Variants in RAD51B observed in about 807,000 individuals in gnomAD.
RAD51B encodes the protein DNA repair protein RAD51 homolog 2.
Under a neutral mutation model 42.2 loss-of-function variants are expected in RAD51B, and 38 were observed. The ratio of observed to expected loss-of-function variants is 0.90; its 90% CI spans 0.70 to 1.18. The LOEUF is 1.18. Among genes scored for constraint, RAD51B ranks in the 50% most tolerant of loss-of-function variants. The pLI is 0.00. For missense variants in RAD51B, 373 were observed against 400.7 expected (o/e 0.93, Z 0.59); for synonymous variants, 154 against 145.2 (o/e 1.06, Z -0.43).
intron 7 of RAD51B, among the ~76,000 whole-genome samples, chr14:68,143,302 T>C (rs2078173911): frequency 6.6e-6 from 1 of 152,222 alleles, no homozygotes. Flanking sequence ...TCAGGATTTC[T>C]TGTTCTTGAA....
At chr14:68,428,328 AT>A (rs1446190210) in intron 9 of RAD51B, among the ~76,000 whole-genome samples, 2 of 151,902 alleles carry the variant, frequency 1.3e-5, no homozygotes, top group Admixed American at 6.6e-5. Context: ...AACTCTTCCA[AT>A]TTTTTTGCAT....
intron 9 of RAD51B, among the ~76,000 whole-genome samples, chr14:68,453,104 G>A (rs1252991133): frequency 6.6e-6 from 1 of 152,082 alleles, no homozygotes; most frequent in Non-Finnish European, 1.5e-5. Flanking sequence ...CTGATATTAA[G>A]ATAATGTTAC....
intron 8 of RAD51B, among the ~76,000 whole-genome samples, chr14:68,308,742 AT>A (rs1256399700): frequency 6.8e-6 from 1 of 146,778 alleles, no homozygotes; most frequent in African/African-American, 2.5e-5. Flanking sequence ...TGGGAATGAG[AT>A]TTGCTACACC....
chr14:68,659,371 A>G (rs1042559416), intron 11 of RAD51B, among the ~76,000 whole-genome samples: 75 of 152,370 alleles, frequency 4.9e-4, no homozygotes, highest in African/African-American at 1.7e-3. Context: ...TAAGCCAAGC[A>G]AAGAAAAATA....
At chr14:68,577,695 A>G (rs554880846) in intron 10 of RAD51B, among the ~76,000 whole-genome samples, 9 of 152,214 alleles carry the variant, frequency 5.9e-5, no homozygotes, top group African/African-American at 1.9e-4. Context: ...ATTTTTCTAT[A>G]TAGCACTTAT....
chr14:67,953,623 G>A (rs920520763), intron 7 of RAD51B, among the ~76,000 whole-genome samples: 1 of 152,112 alleles, frequency 6.6e-6, no homozygotes, highest in Non-Finnish European at 1.5e-5. Flanking sequence ...CAGAGGCCCA[G>A]GTGAGAGAGA....
At chr14:68,329,318 A>G (rs558316648) in intron 8 of RAD51B, among the ~76,000 whole-genome samples, 2 of 152,192 alleles carry the variant, frequency 1.3e-5, no homozygotes, top group South Asian at 4.2e-4. Flanking sequence ...TTATTATGTC[A>G]ATTTGAATGT....
chr14:68,361,495 G>A (rs2083023159), intron 8 of RAD51B, among the ~76,000 whole-genome samples: 1 of 152,164 alleles, frequency 6.6e-6, no homozygotes, highest in Admixed American at 6.5e-5. Flanking sequence ...TTGCTCCCTA[G>A]AGCTTTAGTT....
At chr14:68,279,297 G>A (rs895263991) in intron 7 of RAD51B, among the ~76,000 whole-genome samples, 2 of 152,206 alleles carry the variant, frequency 1.3e-5, no homozygotes, top group African/African-American at 4.8e-5. Flanking sequence ...ATCTGTTCTC[G>A]GCAGTGATGC....
rs138546641 is a variant in RAD51B, at chr14:68,497,386, A to T, written c.1036+29136A>T. 1.1e-4 allele frequency: 135 copies of T among 1,186,832 alleles called. 1 individual carries two copies. Among genetic ancestry groups the T allele is most frequent in the Non-Finnish European group, 1.4e-4 (132 of 951,482 alleles). 73.5% of individuals were successfully genotyped at this position (1,186,832 alleles called of 1,614,324 possible). A position where few individuals can be genotyped will look rare whatever the true frequency, so the allele number is the denominator to read the frequency against. On this transcript the variant is annotated intron_variant, in intron 10 of 10. Transcript: ENST00000487270. ...CTGATTTGATACCATGGCACTGACA[A>T]TGGGCACTGATTTGATACCATGGCA...
intron 7 of RAD51B, among the ~76,000 whole-genome samples, chr14:68,202,578 T>G (rs2079510153): frequency 7.0e-6 from 1 of 142,676 alleles, no homozygotes. Context: ...AACGTCTTTT[T>G]TTTTTTTTTT....
chr14:68,611,006 T>C (rs1465491645), exon 11 of RAD51B: 4 of 702,718 alleles, frequency 5.7e-6, no homozygotes, highest in Admixed American at 2.0e-5. Context: ...CATTTCACAG[T>C]TGTTAGAACT....
chr14:67,824,447 G>C (rs113300322), intron 2 of RAD51B, among the ~76,000 whole-genome samples: 6,983 of 152,022 alleles, frequency 0.046, 215 homozygotes, highest in Non-Finnish European at 0.074. Context: ...TAGTAGAAAC[G>C]GGGTTTCACC....
intron 7 of RAD51B, among the ~76,000 whole-genome samples, chr14:68,112,477 T>A (rs2077474795): frequency 1.3e-5 from 2 of 152,152 alleles, no homozygotes; most frequent in Non-Finnish European, 2.9e-5. Flanking sequence ...TGCGTAGAGA[T>A]ACATGATGAC....
chr14:68,663,144 T>C (rs1038723602), intron 11 of RAD51B, among the ~76,000 whole-genome samples: 44 of 152,048 alleles, frequency 2.9e-4, no homozygotes, highest in African/African-American at 1.0e-3. Context: ...CTACTAAAAA[T>C]ACAAAAAATT....
intron 7 of RAD51B, among the ~76,000 whole-genome samples, chr14:68,193,184 C>A (rs998482562): frequency 2.6e-5 from 4 of 152,094 alleles, no homozygotes; most frequent in African/African-American, 7.2e-5. Context: ...TGTTGTTACC[C>A]CAGACTAGAA....
chr14:68,511,316 C>T (rs1440725715), intron 10 of RAD51B, among the ~76,000 whole-genome samples: 1 of 152,172 alleles, frequency 6.6e-6, no homozygotes, highest in African/African-American at 2.4e-5. Flanking sequence ...TCACTTGGCA[C>T]CCACAGCCCT....
intron 8 of RAD51B, among the ~76,000 whole-genome samples, chr14:68,362,526 C>G (rs1232491158): frequency 6.6e-6 from 1 of 152,112 alleles, no homozygotes; most frequent in African/African-American, 2.4e-5. Context: ...CATCACTGCT[C>G]TGAAAAAGAG....
chr14:67,843,135 T>C (rs752232232), intron 4 of RAD51B, among the ~76,000 whole-genome samples: 3 of 151,950 alleles, frequency 2.0e-5, no homozygotes, highest in African/African-American at 7.2e-5. Context: ...TGCTTTCTTT[T>C]TTTTTTTCTT....
Sources: allele counts gnomAD v4.1 joint callset (sites outside exome capture counted in the v4.1 genomes callset), GRCh38; gene constraint gnomAD v4.1.1; transcripts MANE v1.5; gene names NCBI Gene and HGNC (gene_info 2026-07-23, HGNC 2026-07-21).